Variants in NCAM2 observed in about 807,000 individuals in gnomAD.
The protein encoded by NCAM2 is N-CAM-2.
Under a neutral mutation model 98.1 loss-of-function variants are expected in NCAM2, and 30 were observed. That is an observed-to-expected ratio of 0.31 (90% confidence interval 0.23 to 0.41). The LOEUF (loss-of-function observed/expected upper bound fraction) is 0.41, where lower values mean the gene tolerates loss of function less well. Among genes scored for constraint, NCAM2 ranks in the 10% least tolerant of loss-of-function variants. The pLI is 1.00. For missense variants in NCAM2, 867 were observed against 1,005.8 expected, an observed-to-expected ratio of 0.86 and a Z score of 1.87; for synonymous variants, 368 against 342.4, an observed-to-expected ratio of 1.07 and a Z score of -0.83.
intron 8 of NCAM2, among the ~76,000 whole-genome samples, chr21:21,365,552 T>G (rs1282384450): frequency 6.6e-6 from 1 of 151,042 alleles, no homozygotes; most frequent in Admixed American, 6.6e-5. Context: ...GTGAAAAAAA[T>G]AACCCATAAT....
chr21:21,277,743 A>G (rs2072780368), intron 1 of NCAM2, among the ~76,000 whole-genome samples: 1 of 152,196 alleles, frequency 6.6e-6, no homozygotes. Flanking sequence ...GTGAAATTAA[A>G]CATAGTTTTA....
intron 1 of NCAM2, among the ~76,000 whole-genome samples, chr21:21,063,102 C>G (rs755007777): frequency 6.6e-6 from 1 of 151,684 alleles, no homozygotes; most frequent in African/African-American, 2.4e-5. Flanking sequence ...GCACCTAATG[C>G]TGGCAAAACC....
intron 16 of NCAM2, among the ~76,000 whole-genome samples, chr21:21,514,881 C>A (rs1012987269): frequency 6.6e-6 from 1 of 152,124 alleles, no homozygotes; most frequent in Non-Finnish European, 1.5e-5. Flanking sequence ...CAATGCCAGA[C>A]TTTATTAACC....
intron 1 of NCAM2, among the ~76,000 whole-genome samples, chr21:21,240,372 TAAAAA>T (rs33958717): frequency 7.0e-6 from 1 of 142,200 alleles, no homozygotes; most frequent in African/African-American, 2.5e-5. Context: ...GCTAAAATGC[TAAAAA>T]AAAAAAAAGC....
intron 8 of NCAM2, among the ~76,000 whole-genome samples, chr21:21,346,208 CAAAAA>C (rs57663409): frequency 8.9e-6 from 1 of 112,530 alleles, no homozygotes; most frequent in Non-Finnish European, 2.0e-5. Flanking sequence ...CAACTGAAAC[CAAAAA>C]AAAAAAAAAA....
chr21:21,344,679 G>T (rs969548255), intron 8 of NCAM2, among the ~76,000 whole-genome samples: 1 of 152,122 alleles, frequency 6.6e-6, no homozygotes, highest in Non-Finnish European at 1.5e-5. Flanking sequence ...AGCACCTCTG[G>T]ACCCACCTGG....
chr21:21,082,608 A>C (rs2065830137), intron 1 of NCAM2, among the ~76,000 whole-genome samples: 2 of 152,210 alleles, frequency 1.3e-5, no homozygotes, highest in African/African-American at 4.8e-5. Flanking sequence ...CATTACTTCC[A>C]ATACCTAAAA....
At chr21:21,259,043 A>G (rs2071784317) in intron 1 of NCAM2, among the ~76,000 whole-genome samples, 1 of 152,136 alleles carries the variant, frequency 6.6e-6, no homozygotes, top group South Asian at 2.1e-4. Flanking sequence ...CTGAAGATGA[A>G]GCAGTGGTTC....
At chr21:21,147,316 A>G (rs571292489) in intron 1 of NCAM2, 8 of 973,282 alleles carry the variant, frequency 8.2e-6, no homozygotes, top group Non-Finnish European at 9.8e-6. Flanking sequence ...AAGACAATTT[A>G]TTTGTTGAAT....
At chr21:21,462,187 C>G (rs1296329654) in intron 12 of NCAM2, among the ~76,000 whole-genome samples, 1 of 151,918 alleles carries the variant, frequency 6.6e-6, no homozygotes, top group Admixed American at 6.6e-5. Context: ...TCTCATAGCT[C>G]TCTGAGTTGT....
Position 21,479,583 on chromosome 21 carries a change from C to CAAAAAAAAAAAAAAAAAAAA in NCAM2, c.2077+2118_2077+2137dup, listed in dbSNP as rs1156588500. Among the ~76,000 whole-genome samples, 139 of 30,946 alleles carry CAAAAAAAAAAAAAAAAAAAA rather than the reference C, an allele frequency of 4.5e-3. 12 individuals are homozygous for CAAAAAAAAAAAAAAAAAAAA. The highest frequency in any genetic ancestry group is 6.9e-3 in the Non-Finnish European group (103 of 14,870). 20.3% of individuals were successfully genotyped at this position (30,946 alleles called of 152,430 possible). A position where few individuals can be genotyped will look rare whatever the true frequency, so the allele number is the denominator to read the frequency against. On this transcript the variant is annotated intron_variant, in intron 15 of 17. Coordinates refer to ENST00000400546, the MANE Select transcript of NCAM2 (RefSeq NM_004540.5). ...TGGGAGACAGAGCGAGACTGCGTCT[C>CAAAAAAAAAAAAAAAAAAAA]AAAAAAAAAAAAAAAAAAAAAAAAA...
intron 1 of NCAM2, among the ~76,000 whole-genome samples, chr21:21,069,687 G>T (rs2065517796): frequency 6.6e-6 from 1 of 152,134 alleles, no homozygotes. Context: ...TACTTTTGAA[G>T]GCAGGGAAGT....
chr21:21,142,570 G>A (rs1051018497), intron 1 of NCAM2, among the ~76,000 whole-genome samples: 8 of 151,530 alleles, frequency 5.3e-5, no homozygotes, highest in Non-Finnish European at 1.0e-4. Context: ...TGAAAGAGAC[G>A]GGGTTTCACC....
chr21:21,319,253 A>G (rs1417502744), intron 5 of NCAM2, among the ~76,000 whole-genome samples: 2 of 152,242 alleles, frequency 1.3e-5, no homozygotes, highest in South Asian at 2.1e-4. Flanking sequence ...AAAAATGAAA[A>G]CATACAAATA....
intron 1 of NCAM2, among the ~76,000 whole-genome samples, chr21:21,199,499 A>G (rs1396683869): frequency 1.3e-5 from 2 of 152,156 alleles, no homozygotes; most frequent in African/African-American, 2.4e-5. Flanking sequence ...CAAGACATGG[A>G]GGCATGCTCC....
intron 1 of NCAM2, among the ~76,000 whole-genome samples, chr21:21,086,046 A>T (rs1342300205): frequency 6.6e-6 from 1 of 152,232 alleles, no homozygotes; most frequent in African/African-American, 2.4e-5. Flanking sequence ...TTTCACTTGC[A>T]GTATAACCTT....
intron 1 of NCAM2, among the ~76,000 whole-genome samples, chr21:21,053,602 C>CAT (rs2065155528): frequency 6.6e-6 from 1 of 150,970 alleles, no homozygotes; most frequent in South Asian, 2.1e-4. Flanking sequence ...TTATTTTCTA[C>CAT]ATATATGCAT....
intron 1 of NCAM2, among the ~76,000 whole-genome samples, chr21:21,219,028 C>T (rs1229161918): frequency 2.0e-5 from 3 of 152,158 alleles, no homozygotes; most frequent in South Asian, 2.1e-4. Context: ...GGGCGATGAG[C>T]GTGAAACAAG....
At chr21:21,403,132 A>C (rs942209410) in intron 9 of NCAM2, among the ~76,000 whole-genome samples, 1 of 152,094 alleles carries the variant, frequency 6.6e-6, no homozygotes, top group African/African-American at 2.4e-5. Context: ...TGCCCATTTT[A>C]AAATCAGATT....
Sources: gnomAD v4.1 joint callset for allele counts (sites outside exome capture counted in the v4.1 genomes callset) on GRCh38, gnomAD v4.1.1 for gene constraint, MANE v1.5 for transcripts, NCBI Gene and HGNC (gene_info 2026-07-23, HGNC 2026-07-21) for gene names.